The following CMYA5 variants were observed in gnomAD, a reference collection of about 807,000 sequenced individuals.
CMYA5 encodes the protein cardiomyopathy associated 5.
Under a neutral mutation model 318.9 loss-of-function variants are expected in CMYA5, and 246 were observed. The ratio of observed to expected loss-of-function variants is 0.77; its 90% CI spans 0.70 to 0.86. The LOEUF is 0.86. CMYA5 is among the 40% of genes least tolerant of loss of function. CMYA5 has a pLI of 0.00. For missense variants in CMYA5, 4,589 were observed against 4,678.2 expected (o/e 0.98, Z 0.56); for synonymous variants, 1,641 against 1,729.5 (o/e 0.95, Z 1.27).
At chr5:79,790,918 C>A in intron 10 of CMYA5, 52 bp from the exon 11 acceptor site, 7 of 1,226,296 alleles carry the variant, frequency 5.7e-6, no homozygotes, top group Non-Finnish European at 8.3e-6. Context: ...AGCCTAGGGA[C>A]AGCACTGGTC....
rs189005704 is a variant in CMYA5 at position 79,762,685 on chromosome 5, T to C, written c.11408-377T>C. ...TACTCCTACCCTTTATCCTTTCCTCTTGCCTTTTAAAACAAGCCTTTATTG... is the reference window on the plus strand; with the variant it reads ...TACTCCTACCCTTTATCCTTTCCTCCTGCCTTTTAAAACAAGCCTTTATTG... On this transcript the variant is annotated intron_variant, in intron 8 of 12. Transcript: ENST00000446378. 2.9e-5 allele frequency: 5 copies of C among 172,580 alleles called. No homozygotes were observed. In the East Asian group the frequency reaches 7.9e-4, roughly 27 times the overall value. The allele number at this position is 172,580 out of a possible 1,614,324, so 10.7% of individuals were successfully genotyped here.
Position 79,724,876 on chromosome 5 carries a change from A to G in CMYA5, c.150-4039A>G, listed in dbSNP as rs960098385. The stretch of plus-strand genomic sequence containing the variant: ...TCTCAGTGAGCCAGACTGTTTATTC[A>G]TGCTACATTTTTTATATCCTATGAC... On this transcript the variant is annotated intron_variant, in intron 1 of 12. Coordinates refer to ENST00000446378, the MANE Select transcript of CMYA5 (RefSeq NM_153610.5). Among the ~76,000 whole-genome samples the G allele has an allele frequency of 8.5e-5, 13 of 152,080 alleles. 1 individual carries two copies. The highest frequency in any genetic ancestry group is 2.6e-4 in the Admixed American group (4 of 15,276).
intron 4 of CMYA5, among the ~76,000 whole-genome samples, chr5:79,746,181 T>C (rs907635916): frequency 6.6e-6 from 1 of 152,176 alleles, no homozygotes; most frequent in African/African-American, 2.4e-5. Flanking sequence ...CCAAGCCTAA[T>C]TGTCACACAG....
In CMYA5 at chr5:79,733,875, C is replaced by T. The variant is rs1410507009; in HGVS notation, c.5110C>T (p.Leu1704Phe). Reference protein sequence around the residue: ...MPAISELSSLLREESQNEEIK... With the variant: ...MPAISELSSLFREESQNEEIK... ...TGCAATTTCAGAGCTTTCATCATTG[C>T]TTAGGGAGGAATCTCAGAATGAAGA... Residue 1704 changes from leucine (L) to phenylalanine (F), a missense_variant, in exon 2 of 13, where the codon CTT (leucine) becomes TTT (phenylalanine). Leu to Phe is a conservative substitution (Grantham distance 22). Transcript: ENST00000446378. 5.0e-6 allele frequency: 8 copies of T among 1,613,318 alleles called. No homozygotes were observed. Among genetic ancestry groups the T allele is most frequent in the Non-Finnish European group, 6.8e-6 (8 of 1,179,826 alleles).
chr5:79,738,068 A>C lies in CMYA5; in HGVS notation c.9303A>C (p.Ala3101=), dbSNP rs756315751. Residue 3101 remains alanine, a synonymous_variant, in exon 2 of 13, where the codon GCA becomes GCC. Transcript: ENST00000446378. ...TCCCAGTAAGTTCAGTGGAAAGTGCACTAGAACATGAATATGACTTGGTGA... is the reference window on the plus strand; with the variant it reads ...TCCCAGTAAGTTCAGTGGAAAGTGCCCTAGAACATGAATATGACTTGGTGA... ...ISFPVSSVES[A]LEHEYDLVKL... is the part of the protein sequence containing the mutation. 1.2e-5 allele frequency: 20 copies of C among 1,613,404 alleles called. No homozygotes were observed. The Admixed American group carries it at 3.0e-4, about 24-fold the overall frequency.
chr5:79,795,672 G>T (rs1211666833), intron 12 of CMYA5, among the ~76,000 whole-genome samples: 7 of 152,196 alleles, frequency 4.6e-5, no homozygotes, highest in Non-Finnish European at 1.0e-4. Flanking sequence ...GGGACCACCT[G>T]CAGGACACAG....
Position 79,774,732 on chromosome 5 carries a change from T to G in CMYA5, c.11555+11523T>G, listed in dbSNP as rs142450711. On this transcript the variant is annotated intron_variant, in intron 9 of 12. Transcript: ENST00000446378. ...CCTGTGAGCTCATATTCCTCCTTCT[T>G]CCAGCTTTTGGGGCCCCACCTGGTG... is the stretch of plus-strand genomic sequence containing the variant. Among the ~76,000 whole-genome samples, 48 of 152,248 alleles carry G rather than the reference T, an allele frequency of 3.2e-4. No individual in the cohort carries two copies. In the East Asian group the frequency reaches 8.3e-3, roughly 26 times the overall value.
chr5:79,711,367 G>A lies in CMYA5; in HGVS notation c.150-17548G>A, dbSNP rs766477517. ...CCCCTGCCACCAACCGTACCTGGCA[G>A]AATTTGTCTAAAGTGGAATAGCCAC... On this transcript the variant is annotated intron_variant, in intron 1 of 12. Transcript: ENST00000446378. Among the ~76,000 whole-genome samples, 15 of 152,302 alleles carry A rather than the reference G, an allele frequency of 9.8e-5. No homozygotes were observed. The South Asian group carries it at 1.0e-3, about 11-fold the overall frequency.
intron 12 of CMYA5, 102 bp downstream of exon 12, chr5:79,793,712 C>T: frequency 9.6e-7 from 1 of 1,043,290 alleles, no homozygotes. Context: ...CTTCCATGCT[C>T]AACTTCTGAG....
chr5:79,762,323 G>A (rs1328730283), intron 8 of CMYA5: 3 of 179,348 alleles, frequency 1.7e-5, no homozygotes, highest in East Asian at 1.5e-4. Context: ...GAAGTAATGC[G>A]TTAAAGGAGG....
chr5:79,729,644 G>A lies in CMYA5; in HGVS notation c.879G>A (p.Glu293=), dbSNP rs763810216. The A allele has an allele frequency of 3.1e-6, 5 of 1,613,798 alleles. No individual in the cohort carries two copies. Among genetic ancestry groups the A allele is most frequent in the Non-Finnish European group, 4.2e-6 (5 of 1,179,832 alleles). Residue 293 remains glutamate, a synonymous_variant, in exon 2 of 13, where the codon GAG becomes GAA. Transcript: ENST00000446378. ...GCAAATTAGTAGCCCAAAGCATAGA[G>A]GATAAAGTAAAAGAGGTTTTTCCAC... The part of the protein sequence containing the change: ...KTRKLVAQSI[E]DKVKEVFPPW...
rs777750580 is a variant in CMYA5, at chr5:79,734,860, C to T, written c.6095C>T (p.Ser2032Phe). The part of the protein sequence containing the change: ...EKANTELSWP[S>F]KEDSQEKIKL... Reference sequence around the variant, plus strand: ...GCAAACACAGAGCTTTCCTGGCCTTCCAAAGAAGATAGCCAGGAAAAAATT... The same window carrying T: ...GCAAACACAGAGCTTTCCTGGCCTTTCAAAGAAGATAGCCAGGAAAAAATT... Residue 2032 changes from serine (S) to phenylalanine (F), a missense_variant, in exon 2 of 13, where the codon TCC (serine) becomes TTC (phenylalanine). Ser to Phe is a radical substitution (Grantham distance 155). Around this residue, in one of 3 missense-constraint regions of CMYA5, gnomAD observed 2,431 missense variants for 2,495.1 expected, o/e 0.97. Coordinates refer to ENST00000446378, the MANE Select transcript of CMYA5 (RefSeq NM_153610.5). The T allele has an allele frequency of 1.9e-6, 3 of 1,613,550 alleles. No individual in the cohort carries two copies. The highest frequency in any genetic ancestry group is 1.7e-5 in the Admixed American group (1 of 59,940).
chr5:79,758,915 A>T lies in CMYA5; in HGVS notation c.11260+13A>T, dbSNP rs751745495. On this transcript the variant is annotated intron_variant, in intron 7 of 12. Transcript: ENST00000446378. ...CAAGAAGTAAATGGTAGGATTGCTAACACAAATACAAATGCATATGCATAT... is the reference window on the plus strand; with the variant it reads ...CAAGAAGTAAATGGTAGGATTGCTATCACAAATACAAATGCATATGCATAT... 2.6e-5 allele frequency: 41 copies of T among 1,555,986 alleles called. No homozygotes were observed. Among genetic ancestry groups the T allele is most frequent in the Middle Eastern group, 1.7e-4 (1 of 5,882 alleles).
At chr5:79,771,080 A>C (rs1050259612) in intron 9 of CMYA5, among the ~76,000 whole-genome samples, 22 of 152,082 alleles carry the variant, frequency 1.4e-4, no homozygotes, top group Non-Finnish European at 2.6e-4. Context: ...AAAAAAAAAA[A>C]AAAAAACCAG....
Position 79,734,066 on chromosome 5 carries a change from A to G in CMYA5, c.5301A>G (p.Gln1767=). The change falls in exon 2 of 13, where the codon CAA becomes CAG. Residue 1767 remains glutamine, a synonymous_variant. Coordinates refer to ENST00000446378, the MANE Select transcript of CMYA5 (RefSeq NM_153610.5). ...CCGACTTTAAAAAGGGAGGAAATCA[A>G]GAAATAGGCCCATTACCACCAACTG... ...HPADFKKGGN[Q]EIGPLPPTGN... The G allele has an allele frequency of 6.2e-7, 1 of 1,613,898 alleles. No individual in the cohort carries two copies. The highest frequency in any genetic ancestry group is 8.5e-7 in the Non-Finnish European group (1 of 1,179,838).
chr5:79,778,852 TG>T (rs987535649), intron 9 of CMYA5, among the ~76,000 whole-genome samples: 9 of 120,880 alleles, frequency 7.4e-5, no homozygotes, highest in East Asian at 4.0e-4. Flanking sequence ...TATTCACTCA[TG>T]TTTTTTTGTA....
In CMYA5 at chr5:79,737,399, T is replaced by A; in HGVS notation, c.8634T>A (p.Asp2878Glu). 1 of 1,613,902 alleles carries A rather than the reference T, an allele frequency of 6.2e-7. No individual in the cohort carries two copies. Among genetic ancestry groups the A allele is most frequent in the South Asian group, 1.1e-5 (1 of 91,078 alleles). Residue 2878 changes from aspartate to glutamate, a missense_variant, in exon 2 of 13, where the codon GAT becomes GAA. Asp to Glu is a conservative substitution (Grantham distance 45, BLOSUM62 2). Coordinates refer to ENST00000446378, the MANE Select transcript of CMYA5 (RefSeq NM_153610.5). ...VSKHHLEAAEDTRVKEPLSSA... is the reference protein window; with the variant it reads ...VSKHHLEAAEETRVKEPLSSA... ...AGCACCACTTGGAGGCTGCGGAAGA[T>A]ACCCGTGTAAAGGAACCACTGTCTT...
At chr5:79,709,627 T>TA (rs540220049) in intron 1 of CMYA5, among the ~76,000 whole-genome samples, 176 of 151,842 alleles carry the variant, frequency 1.2e-3, no homozygotes, top group African/African-American at 3.6e-3. Flanking sequence ...AACTAATCTT[T>TA]AAAAAAACGA....
chr5:79,752,999 T>C (rs755203869), intron 6 of CMYA5, among the ~76,000 whole-genome samples: 1 of 152,174 alleles, frequency 6.6e-6, no homozygotes, highest in African/African-American at 2.4e-5. Context: ...CATCTGAAGC[T>C]TTATGACTTG....
Sources: gnomAD v4.1 joint callset for allele counts (sites outside exome capture counted in the v4.1 genomes callset) on GRCh38, gnomAD v4.1.1 for gene constraint, gnomAD v4.1.1 regional missense constraint, MANE v1.5 for transcripts, NCBI Gene and HGNC (gene_info 2026-07-23, HGNC 2026-07-21) for gene names.